The following LFNG variants were observed in gnomAD, a reference collection of about 807,000 sequenced individuals.
LFNG encodes beta-1,3-N-acetylglucosaminyltransferase lunatic fringe.
LFNG carries 15 observed loss-of-function variants against 32.7 expected under a neutral mutation model. The ratio of observed to expected loss-of-function variants is 0.46; its 90% CI spans 0.31 to 0.71. The LOEUF (loss-of-function observed/expected upper bound fraction) is 0.71, where lower values mean the gene tolerates loss of function less well. Ranked by LOEUF, LFNG falls within the 30% of genes least tolerant of loss-of-function variation. The pLI, the probability that LFNG is intolerant of heterozygous loss-of-function variation, is 0.06. For missense variants in LFNG, 520 were observed against 545.7 expected, an observed-to-expected ratio of 0.95 and a Z score of 0.47; for synonymous variants, 274 against 246.8, an observed-to-expected ratio of 1.11 and a Z score of -1.03.
rs977734355 is a variant in LFNG at position 2,519,872 on chromosome 7, G to T, written c.11G>T (p.Arg4Leu). 1 of 1,104,292 alleles carries T rather than the reference G, an allele frequency of 9.1e-7. No homozygotes were observed. The highest frequency in any genetic ancestry group is 1.1e-6 in the Non-Finnish European group (1 of 903,024). The allele number at this position is 1,104,292 out of a possible 1,614,324, so 68.4% of individuals were successfully genotyped here. MLKRCGRRLLLALA... is the reference protein window; with the variant it reads MLKLCGRRLLLALA... ...GGCCGCCACCCCACCATGCTCAAGC[G>T]CTGCGGCCGGCGCCTGCTGCTGGCG... The change falls in exon 1 of 8, where the codon CGC becomes CTC. Residue 4 changes from arginine (R) to leucine (L), a missense_variant. Arg to Leu is a moderately radical substitution (Grantham distance 102). Transcript: ENST00000222725.
Position 2,526,459 on chromosome 7 carries a change from C to G in LFNG, c.987+50C>G, listed in dbSNP as rs754785869. ...AGGACTCCGAGAGCACAGGAAGGGACGTGTGGCTGCCGAGAGGGGCGCAGT... is the reference window on the plus strand; with the variant it reads ...AGGACTCCGAGAGCACAGGAAGGGAGGTGTGGCTGCCGAGAGGGGCGCAGT... On this transcript the variant is annotated intron_variant, in intron 6 of 7. Coordinates refer to ENST00000222725, the MANE Select transcript of LFNG (RefSeq NM_001040167.2). This position sits in a 1 kb window ranked among gnomAD's most constrained non-coding sequence, Gnocchi z 6.9. 6.3e-7 allele frequency: 1 copy of G among 1,591,976 alleles called. No individual in the cohort carries two copies. Among genetic ancestry groups the G allele is most frequent in the Non-Finnish European group, 8.5e-7 (1 of 1,173,108 alleles).
rs1023043165 is a variant in LFNG at position 2,527,350 on chromosome 7, G to A, written c.*138G>A. Reference sequence around the variant, plus strand: ...CGTGTGCGTGTGCGTGTGTGTGTGTGTGTACTGCATGCCCACCCGGGTAGC... The same window carrying A: ...CGTGTGCGTGTGCGTGTGTGTGTGTATGTACTGCATGCCCACCCGGGTAGC... On this transcript the variant is annotated 3_prime_UTR_variant, in exon 8 of 8. Coordinates refer to ENST00000222725, the MANE Select transcript of LFNG (RefSeq NM_001040167.2). The surrounding 1 kb of genome is among the most constrained non-coding windows in gnomAD (Gnocchi z 4.4). 33 of 1,523,338 alleles carry A rather than the reference G, an allele frequency of 2.2e-5. No individual in the cohort carries two copies. The highest frequency in any genetic ancestry group is 2.7e-5 in the Non-Finnish European group (31 of 1,139,802). 94.4% of individuals were successfully genotyped at this position (1,523,338 alleles called of 1,614,324 possible). A position where few individuals can be genotyped will look rare whatever the true frequency, so the allele number is the denominator to read the frequency against.
chr7:2,524,230 A>G (rs1320057555), intron 1 of LFNG, among the ~76,000 whole-genome samples: 1 of 152,142 alleles, frequency 6.6e-6, no homozygotes, highest in Non-Finnish European at 1.5e-5. Context: ...GGCTTCCCAC[A>G]GCCGACCTCC....
chr7:2,513,819 G>A (rs1314762832), upstream of LFNG, among the ~76,000 whole-genome samples: 2 of 152,222 alleles, frequency 1.3e-5, no homozygotes, highest in Admixed American at 1.3e-4. Flanking sequence ...CTGATGCTGG[G>A]GGCTGCAAAT....
At chr7:2,525,135 C>A in intron 2 of LFNG, 84 bp from the exon 3 acceptor site, 1 of 1,218,028 alleles carries the variant, frequency 8.2e-7, no homozygotes, top group Non-Finnish European at 1.2e-6. Flanking sequence ...TTTCTCGAGC[C>A]CCTGGGCCCT....
chr7:2,512,530 G>C, exon 1 of LFNG: 2 of 817,334 alleles, frequency 2.4e-6, no homozygotes, highest in Non-Finnish European at 4.0e-6. Context: ...ATCCTTCCCA[G>C]ACTAAGCTGC....
chr7:2,513,482 C>T (rs557458222), upstream of LFNG, among the ~76,000 whole-genome samples: 21 of 152,310 alleles, frequency 1.4e-4, 1 homozygote, highest in Middle Eastern at 3.4e-3. Context: ...GGGAGGTACA[C>T]AAGCCCAGGA....
downstream of LFNG, chr7:2,528,841 T>C (rs1264169821): frequency 1.6e-6 from 1 of 609,780 alleles, no homozygotes; most frequent in Non-Finnish European, 3.0e-6. Context: ...TGCCACGAGC[T>C]CACAGAGTCC....
rs576532228 is a variant in LFNG at position 2,520,405 on chromosome 7, G to A, written c.432+112G>A. 8 of 1,010,452 alleles carry A rather than the reference G, an allele frequency of 7.9e-6. No homozygotes were observed. The African/African-American group carries it at 1.3e-4, about 17-fold the overall frequency. 62.6% of individuals were successfully genotyped at this position (1,010,452 alleles called of 1,614,324 possible). On this transcript the variant is annotated intron_variant, in intron 1 of 7. Transcript: ENST00000222725. The surrounding 1 kb of genome is among the most constrained non-coding windows in gnomAD (Gnocchi z 5.0). ...AGGCTGCATCCCCATCCAGCCACTA[G>A]GGCCATCTGTGGGCGACGCCAGTGC...
At chr7:2,512,766 C>A in intron 1 of LFNG, 1 of 1,456,646 alleles carries the variant, frequency 6.9e-7, no homozygotes, top group Non-Finnish European at 9.6e-7. Context: ...GCTCGTGAAC[C>A]TGGAGCCCCC....
chr7:2,516,293 G>C (rs936416219), upstream of LFNG, among the ~76,000 whole-genome samples: 2 of 152,212 alleles, frequency 1.3e-5, no homozygotes, highest in African/African-American at 4.8e-5. Context: ...GTGGACAGGC[G>C]CCTCGGATGG....
At chr7:2,523,182 T>C (rs1195449562) in intron 1 of LFNG, among the ~76,000 whole-genome samples, 1 of 152,238 alleles carries the variant, frequency 6.6e-6, no homozygotes. Context: ...GTGGAGCGTC[T>C]GCAGGGGCTG....
At chr7:2,525,376 C>T (rs770486288) in intron 3 of LFNG, 38 bp from the exon 4 acceptor site, 71 of 1,612,310 alleles carry the variant, frequency 4.4e-5, no homozygotes, top group South Asian at 2.7e-4. Context: ...GCGCCCGCCC[C>T]GGCATGCCCT....
chr7:2,528,277 T>C lies in LFNG; in HGVS notation c.*1065T>C, dbSNP rs1480286405. 4.8e-5 allele frequency: 47 copies of C among 985,978 alleles called. No individual in the cohort carries two copies. The highest frequency in any genetic ancestry group is 5.4e-5 in the Non-Finnish European group (45 of 830,032). 61.1% of individuals were successfully genotyped at this position (985,978 alleles called of 1,614,324 possible). A position where few individuals can be genotyped will look rare whatever the true frequency, so the allele number is the denominator to read the frequency against. On this transcript the variant is annotated 3_prime_UTR_variant, in exon 8 of 8. Transcript: ENST00000222725. Reference sequence around the variant, plus strand: ...ACCTCCCCGCTGGGCCCAGCATGGCTCACCTGTCCCGTGGGCTGTGTTTCT... The same window carrying C: ...ACCTCCCCGCTGGGCCCAGCATGGCCCACCTGTCCCGTGGGCTGTGTTTCT...
rs1779959097 is a variant in LFNG, at chr7:2,526,030, C to CTGTG, written c.822-214_822-213insTGTG. Among the ~76,000 whole-genome samples, 1 of 152,016 alleles carries CTGTG rather than the reference C, an allele frequency of 6.6e-6. No homozygotes were observed. The highest frequency in any genetic ancestry group is 2.1e-4 in the South Asian group (1 of 4,820). ...CATCCGGCAGGACTCTTCCCTGCAC[C>CTGTG]CAGATTCCCTCCACAGAGAGCCACG... On this transcript the variant is annotated intron_variant, in intron 5 of 7. Coordinates refer to ENST00000222725, the MANE Select transcript of LFNG (RefSeq NM_001040167.2). This position sits in a 1 kb window ranked among gnomAD's most constrained non-coding sequence, Gnocchi z 6.9.
At chr7:2,522,548 T>C (rs1779822350) in intron 1 of LFNG, among the ~76,000 whole-genome samples, 1 of 150,480 alleles carries the variant, frequency 6.6e-6, no homozygotes, top group Non-Finnish European at 1.5e-5. Flanking sequence ...CCAGGAACAA[T>C]GCTGCTTCCT....
Position 2,524,491 on chromosome 7 carries a change from G to A in LFNG, c.433-204G>A, listed in dbSNP as rs533743300. Among the ~76,000 whole-genome samples, 16 of 152,322 alleles carry A rather than the reference G, an allele frequency of 1.1e-4. No homozygotes were observed. In the East Asian group the frequency reaches 2.3e-3, roughly 22 times the overall value. On this transcript the variant is annotated intron_variant, in intron 1 of 7. Coordinates refer to ENST00000222725, the MANE Select transcript of LFNG (RefSeq NM_001040167.2). ...CCCCACCCCCAGGGCGAGTGAATGC[G>A]TGAGCTCTGGCCCAGATGGCACTGA...
intron 2 of LFNG, 118 bp from the exon 3 acceptor site, chr7:2,525,101 G>T (rs934500688): frequency 2.2e-6 from 2 of 920,308 alleles, no homozygotes; most frequent in African/African-American, 3.3e-5. Context: ...TACGGCCGCC[G>T]GGCCCAGCTT....
chr7:2,525,399 C>G lies in LFNG; in HGVS notation c.582-15C>G, dbSNP rs1277783553. 1 of 1,612,680 alleles carries G rather than the reference C, an allele frequency of 6.2e-7. No homozygotes were observed. Among genetic ancestry groups the G allele is most frequent in the African/African-American group, 1.3e-5 (1 of 74,948 alleles). On this transcript the variant is annotated splice_polypyrimidine_tract_variant and intron_variant, in intron 3 of 7. Coordinates refer to ENST00000222725, the MANE Select transcript of LFNG (RefSeq NM_001040167.2). The stretch of plus-strand genomic sequence containing the variant: ...CCCGGCATGCCCTCCCCCGATGGCC[C>G]TGCCTTGTCCTCAGGTGGTTCTGCC...
Sources: gnomAD v4.1 joint callset for allele counts (sites outside exome capture counted in the v4.1 genomes callset) on GRCh38, gnomAD v4.1.1 for gene constraint, Gnocchi (gnomAD v3.1) non-coding constraint, MANE v1.5 for transcripts, NCBI Gene and HGNC (gene_info 2026-07-23, HGNC 2026-07-21) for gene names.